The following SLC35F4 variants were observed in gnomAD, a reference collection of about 807,000 sequenced individuals.
SLC35F4 encodes the protein chromosome 14 open reading frame 36.
Under a neutral mutation model 44.2 loss-of-function variants are expected in SLC35F4, and 24 were observed. The observed-to-expected ratio is 0.54, with a 90% CI of 0.39 to 0.76. The LOEUF (loss-of-function observed/expected upper bound fraction) is 0.76, where lower values mean the gene tolerates loss of function less well. Among genes scored for constraint, SLC35F4 ranks in the 30% least tolerant of loss-of-function variants. SLC35F4 has a pLI of 0.00. For missense variants in SLC35F4, 562 were observed against 586.1 expected, an observed-to-expected ratio of 0.96 and a Z score of 0.42; for synonymous variants, 238 against 223.6, an observed-to-expected ratio of 1.06 and a Z score of -0.57.
intron 1 of SLC35F4, among the ~76,000 whole-genome samples, chr14:57,851,945 G>GA (rs34570217): frequency 6.6e-6 from 1 of 151,996 alleles, no homozygotes; most frequent in Non-Finnish European, 1.5e-5. Flanking sequence ...TATTATCTTG[G>GA]AAAAAAGAAG....
At chr14:57,923,129 G>A (rs542146453) in intron 1 of SLC35F4, among the ~76,000 whole-genome samples, 1 of 152,208 alleles carries the variant, frequency 6.6e-6, no homozygotes, top group Non-Finnish European at 1.5e-5. Flanking sequence ...ATAAGAAAAG[G>A]CTCTAGAATT....
chr14:57,737,024 GCTTA>G (rs1315889137), intron 1 of SLC35F4, among the ~76,000 whole-genome samples: 1 of 151,862 alleles, frequency 6.6e-6, no homozygotes, highest in Non-Finnish European at 1.5e-5. Context: ...GGGGTCAGAT[GCTTA>G]CTTAGTGTTT....
chr14:57,856,497 T>C (rs1444927006), intron 1 of SLC35F4, among the ~76,000 whole-genome samples: 1 of 152,076 alleles, frequency 6.6e-6, no homozygotes, highest in Non-Finnish European at 1.5e-5. Context: ...GAAAGTAGTA[T>C]TTTGCATTAC....
At chr14:57,889,423 C>G (rs999954520) in intron 1 of SLC35F4, among the ~76,000 whole-genome samples, 1 of 152,234 alleles carries the variant, frequency 6.6e-6, no homozygotes, top group Admixed American at 6.5e-5. Flanking sequence ...CGAACAGTGC[C>G]AAGGCACAGG....
At chr14:57,895,998 T>G (rs561728010) in intron 1 of SLC35F4, among the ~76,000 whole-genome samples, 12 of 152,248 alleles carry the variant, frequency 7.9e-5, no homozygotes, top group African/African-American at 2.9e-4. Context: ...ATGCTTTAGA[T>G]GCACAATAAA....
At chr14:57,577,498 A>G (rs977179928) in intron 4 of SLC35F4, among the ~76,000 whole-genome samples, 1 of 151,850 alleles carries the variant, frequency 6.6e-6, no homozygotes, top group African/African-American at 2.4e-5. Flanking sequence ...ATTGGAAAAT[A>G]TAAGAAAAAT....
chr14:57,571,322 A>G (rs1292388018), intron 5 of SLC35F4, among the ~76,000 whole-genome samples: 1 of 152,200 alleles, frequency 6.6e-6, no homozygotes, highest in Non-Finnish European at 1.5e-5. Context: ...GTGGGTACCT[A>G]CAGCAGACGT....
At chr14:57,735,313 A>G (rs2076436035) in intron 1 of SLC35F4, among the ~76,000 whole-genome samples, 2 of 152,244 alleles carry the variant, frequency 1.3e-5, no homozygotes, top group Admixed American at 1.3e-4. Context: ...CCTGTGCTGC[A>G]TAACAAGTCA....
chr14:57,765,812 G>T (rs11848662), intron 1 of SLC35F4, among the ~76,000 whole-genome samples: 13,342 of 152,198 alleles, frequency 0.088, 763 homozygotes, highest in African/African-American at 0.15. Context: ...CAAAGCATTT[G>T]ATAGGAAGTG....
intron 1 of SLC35F4, among the ~76,000 whole-genome samples, chr14:57,980,275 T>G (rs950909639): frequency 1.3e-5 from 2 of 152,210 alleles, no homozygotes; most frequent in African/African-American, 4.8e-5. Context: ...ACTAAGGTAC[T>G]TGGAATTTTA....
At chr14:57,870,322 TGGTTTAAAGCAC>T (rs775905232), upstream of SLC35F4, among the ~76,000 whole-genome samples, 23 of 152,212 alleles carry the variant, frequency 1.5e-4, no homozygotes, top group Non-Finnish European at 2.8e-4. Flanking sequence ...TACAGCACAG[TGGTTTAAAGCAC>T]GGACTTTGGA....
chr14:57,687,429 C>T (rs888947815), intron 1 of SLC35F4, among the ~76,000 whole-genome samples: 5 of 152,192 alleles, frequency 3.3e-5, no homozygotes, highest in African/African-American at 1.2e-4. Context: ...CAATAAATAG[C>T]TGCTATTTGA....
chr14:57,670,523 T>C (rs4412903), intron 1 of SLC35F4, among the ~76,000 whole-genome samples: 23,694 of 152,038 alleles, frequency 0.16, 1,999 homozygotes, highest in East Asian at 0.29. Context: ...CTGATTCTGG[T>C]ATGTTGTGTC....
chr14:57,840,265 T>C (rs557270904), intron 1 of SLC35F4, among the ~76,000 whole-genome samples: 100 of 152,298 alleles, frequency 6.6e-4, no homozygotes, highest in African/African-American at 2.4e-3. Context: ...AACCATTAAT[T>C]CTCTGAATAT....
At chr14:57,719,972 T>TG (rs1594878948) in intron 1 of SLC35F4, among the ~76,000 whole-genome samples, 1 of 152,168 alleles carries the variant, frequency 6.6e-6, no homozygotes, top group East Asian at 1.9e-4. Flanking sequence ...TATTATGTTG[T>TG]GGTATGTTCC....
intron 1 of SLC35F4, among the ~76,000 whole-genome samples, chr14:57,600,663 GCCTGGGC>G (rs2070762908): frequency 1.0e-5 from 1 of 100,016 alleles, no homozygotes; most frequent in Non-Finnish European, 1.8e-5. Flanking sequence ...CTGCACTCCA[GCCTGGGC>G]GACAGAGCAA....
chr14:57,812,708 G>T (rs1049609684), intron 1 of SLC35F4, among the ~76,000 whole-genome samples: 1 of 146,992 alleles, frequency 6.8e-6, no homozygotes, highest in African/African-American at 2.5e-5. Flanking sequence ...AACGGACAAA[G>T]AAAAAAAAAA....
At chr14:57,705,075 C>T (rs2075636010) in intron 1 of SLC35F4, among the ~76,000 whole-genome samples, 1 of 152,070 alleles carries the variant, frequency 6.6e-6, no homozygotes, top group Non-Finnish European at 1.5e-5. Context: ...TTGCGCAATA[C>T]TATATCCAGC....
intron 1 of SLC35F4, among the ~76,000 whole-genome samples, chr14:57,883,435 C>CT (rs1441538033): frequency 6.6e-6 from 1 of 152,184 alleles, no homozygotes; most frequent in Admixed American, 6.6e-5. Flanking sequence ...TAACATAGAG[C>CT]ACCACTCTCA....
Sources: gnomAD v4.1 joint callset for allele counts (sites outside exome capture counted in the v4.1 genomes callset) on GRCh38, gnomAD v4.1.1 for gene constraint, MANE v1.5 for transcripts, NCBI Gene and HGNC (gene_info 2026-07-23, HGNC 2026-07-21) for gene names.